The following DPP10 variants were observed in gnomAD, a reference collection of about 807,000 sequenced individuals.
The protein encoded by DPP10 is dipeptidyl peptidase like 10, also known as inactive dipeptidyl peptidase 10.
A neutral mutation model predicts 120.9 loss-of-function variants in DPP10; 33 were observed. That is an observed-to-expected ratio of 0.27 (90% CI 0.21 to 0.37). The LOEUF (loss-of-function observed/expected upper bound fraction) is 0.37, where lower values mean the gene tolerates loss of function less well. Ranked by LOEUF, DPP10 falls within the 10% of genes least tolerant of loss-of-function variation. The pLI is 1.00. For missense variants in DPP10, 816 were observed against 942.8 expected, an observed-to-expected ratio of 0.87 and a Z score of 1.76; for synonymous variants, 337 against 326.1, an observed-to-expected ratio of 1.03 and a Z score of -0.36.
intron 1 of DPP10, among the ~76,000 whole-genome samples, chr2:115,244,216 G>GTGTATATATATA (rs1264600615): frequency 8.3e-6 from 1 of 119,858 alleles, no homozygotes. Context: ...ATATGTGTGT[G>GTGTATATATATA]TATATATATA....
intron 1 of DPP10, among the ~76,000 whole-genome samples, chr2:114,912,610 G>C (rs1366837190): frequency 1.3e-5 from 2 of 152,042 alleles, no homozygotes; most frequent in Non-Finnish European, 2.9e-5. Context: ...AGAAGGCATT[G>C]AGAGTGGATA....
intron 5 of DPP10, among the ~76,000 whole-genome samples, chr2:115,658,638 A>C (rs1351457615): frequency 2.0e-5 from 3 of 152,150 alleles, no homozygotes; most frequent in African/African-American, 7.2e-5. Flanking sequence ...TGGGTACAAA[A>C]ATCTATTAGA....
At chr2:114,814,581 C>T (rs1042462142) in intron 1 of DPP10, among the ~76,000 whole-genome samples, 82 of 151,968 alleles carry the variant, frequency 5.4e-4, no homozygotes, top group African/African-American at 1.9e-3. Flanking sequence ...TTGAGGCACC[C>T]GATAGCTGCA....
intron 1 of DPP10, among the ~76,000 whole-genome samples, chr2:114,913,185 T>C (rs1442665048): frequency 6.6e-6 from 1 of 152,158 alleles, no homozygotes; most frequent in Non-Finnish European, 1.5e-5. Flanking sequence ...TTGGATAGCT[T>C]CTGTAAGTGG....
intron 5 of DPP10, among the ~76,000 whole-genome samples, chr2:115,582,204 C>T (rs920497905): frequency 1.3e-5 from 2 of 152,086 alleles, no homozygotes; most frequent in Non-Finnish European, 2.9e-5. Context: ...GCAGGCTGTC[C>T]GCACGCACAG....
At chr2:114,451,362 T>A (rs1573380355) in intron 1 of DPP10, among the ~76,000 whole-genome samples, 1 of 152,118 alleles carries the variant, frequency 6.6e-6, no homozygotes, top group East Asian at 1.9e-4. Context: ...TGGAGGGTGA[T>A]AGCTTTTGTT....
At chr2:115,640,568 G>A (rs966509109) in intron 5 of DPP10, among the ~76,000 whole-genome samples, 6 of 151,990 alleles carry the variant, frequency 3.9e-5, no homozygotes, top group Non-Finnish European at 7.4e-5. Context: ...GGAGCAATAT[G>A]GTGAACTCAT....
intron 1 of DPP10, among the ~76,000 whole-genome samples, chr2:115,245,903 A>G (rs927170193): frequency 6.6e-6 from 1 of 152,164 alleles, no homozygotes; most frequent in East Asian, 1.9e-4. Context: ...GCCAAAAAAT[A>G]TATTATTTCA....
intron 19 of DPP10, among the ~76,000 whole-genome samples, chr2:115,794,603 T>C (rs1684341880): frequency 6.6e-6 from 1 of 152,126 alleles, no homozygotes; most frequent in South Asian, 2.1e-4. Flanking sequence ...CTAAGAAGCA[T>C]TGGCACCATA....
chr2:115,620,049 A>G (rs962100132), intron 5 of DPP10, among the ~76,000 whole-genome samples: 23 of 152,166 alleles, frequency 1.5e-4, no homozygotes, highest in African/African-American at 5.6e-4. Context: ...TGGCTGCTAT[A>G]CTGATTGGCA....
intron 5 of DPP10, among the ~76,000 whole-genome samples, chr2:115,534,087 TTTTA>T (rs2078643405): frequency 2.1e-5 from 3 of 142,540 alleles, no homozygotes; most frequent in African/African-American, 8.7e-5. Flanking sequence ...AACAACACAC[TTTTA>T]TTTATTTTTT....
At chr2:115,839,425 C>G (rs970046931) in intron 24 of DPP10, among the ~76,000 whole-genome samples, 1 of 151,992 alleles carries the variant, frequency 6.6e-6, no homozygotes, top group East Asian at 1.9e-4. Context: ...CCTGTAGTCC[C>G]AGCACTTTGG....
intron 1 of DPP10, among the ~76,000 whole-genome samples, chr2:114,447,034 A>ATT (rs3981301): frequency 0.45 from 62,439 of 138,240 alleles, 15,210 homozygotes; most frequent in Middle Eastern, 0.66. Flanking sequence ...TGGTTGTTAA[A>ATT]TTTTTTTTTT....
intron 1 of DPP10, among the ~76,000 whole-genome samples, chr2:114,729,047 T>A (rs1438765489): frequency 6.6e-6 from 1 of 152,200 alleles, no homozygotes; most frequent in Non-Finnish European, 1.5e-5. Context: ...GTTTATAAAA[T>A]GCTGAGCGGC....
intron 12 of DPP10, among the ~76,000 whole-genome samples, chr2:115,764,568 C>T (rs551520713): frequency 2.6e-5 from 4 of 152,040 alleles, no homozygotes; most frequent in Non-Finnish European, 5.9e-5. Flanking sequence ...TTTGCTATTA[C>T]TTTGATTGCC....
chr2:115,750,113 G>C (rs1678511456), intron 10 of DPP10: 1 of 985,402 alleles, frequency 1.0e-6, no homozygotes, highest in Non-Finnish European at 1.2e-6. Flanking sequence ...TGGAACACCA[G>C]ATCTAATGTG....
chr2:115,737,242 A>C (rs757672496), intron 8 of DPP10, among the ~76,000 whole-genome samples: 1 of 152,318 alleles, frequency 6.6e-6, no homozygotes. Context: ...CAGAGAAGGC[A>C]ATACAATGGG....
rs181120217 is a variant in DPP10 at position 115,140,175 on chromosome 2, A to G, written c.61-169064A>G. ...CAGGGTAGGGAGGATAGAAAATACA[A>G]GGATGCTATTTTAGAGAAGGTGATC... is the stretch of plus-strand genomic sequence containing the variant. On this transcript the variant is annotated intron_variant, in intron 1 of 25. Transcript: ENST00000410059. 7.6e-4 allele frequency among the ~76,000 whole-genome samples: 116 copies of G among 152,368 alleles called. 4 individuals carry two copies. The highest frequency in any genetic ancestry group is 2.6e-3 in the African/African-American group (110 of 41,594).
chr2:115,089,401 A>T (rs889416762), intron 1 of DPP10, among the ~76,000 whole-genome samples: 1 of 152,136 alleles, frequency 6.6e-6, no homozygotes, highest in African/African-American at 2.4e-5. Context: ...TGTCTCCAAG[A>T]CTAGATGAGC....
Sources: gnomAD v4.1 joint callset for allele counts (sites outside exome capture counted in the v4.1 genomes callset) on GRCh38, gnomAD v4.1.1 for gene constraint, MANE v1.5 for transcripts, NCBI Gene and HGNC (gene_info 2026-07-23, HGNC 2026-07-21) for gene names.